The following TECTA variants were observed in gnomAD, a reference collection of about 807,000 sequenced individuals.
The protein encoded by TECTA is tectorin alpha.
TECTA carries 128 observed loss-of-function variants against 216.8 expected under a neutral mutation model. The ratio of observed to expected loss-of-function variants is 0.59; its 90% confidence interval spans 0.51 to 0.68. The LOEUF (loss-of-function observed/expected upper bound fraction) is 0.68, where lower values mean the gene tolerates loss of function less well. Among genes scored for constraint, TECTA ranks in the 30% least tolerant of loss-of-function variants. The pLI is 0.00. For synonymous variants in TECTA, 1,089 were observed against 1,117.1 expected, an observed-to-expected ratio of 0.97 and a Z score of 0.50; for missense variants, 2,551 against 2,786.2, an observed-to-expected ratio of 0.92 and a Z score of 1.90.
rs753188562 is a variant in TECTA at position 121,129,981 on chromosome 11, A to G, written c.2711A>G (p.Lys904Arg). 1.2e-6 allele frequency: 2 copies of G among 1,605,378 alleles called. No individual in the cohort carries two copies. Among genetic ancestry groups the G allele is most frequent in the African/African-American group, 2.7e-5 (2 of 74,650 alleles). Residue 904 changes from lysine (K) to arginine (R), a missense_variant, in exon 10 of 24, where the codon AAG becomes AGG. By Grantham distance (26) the Lys-to-Arg change is conservative. Around this residue, in one of 3 missense-constraint regions of TECTA, gnomAD observed 2,375 missense variants for 2,563.9 expected, o/e 0.93. Transcript: ENST00000392793. ...KACNNDSELL[K>R]FYRSRSRCGI... ...TGCAACAATGACTCGGAGCTGCTCA[A>G]GTTTTATCGAAGCCGCTCCAGGTGC... is the stretch of plus-strand genomic sequence containing the variant.
chr11:121,116,272 A>G (rs1946500755), intron 6 of TECTA, among the ~76,000 whole-genome samples: 1 of 152,198 alleles, frequency 6.6e-6, no homozygotes, highest in African/African-American at 2.4e-5. Context: ...GAGAGATACC[A>G]ACTCAATACT....
At chr11:121,154,673 G>C (rs1946924381) in intron 13 of TECTA, among the ~76,000 whole-genome samples, 1 of 152,162 alleles carries the variant, frequency 6.6e-6, no homozygotes, top group Non-Finnish European at 1.5e-5. Flanking sequence ...ACTGCTGGAG[G>C]TGTGACACTG....
At chr11:121,172,630 A>T (rs1947123491) in intron 20 of TECTA, among the ~76,000 whole-genome samples, 1 of 151,476 alleles carries the variant, frequency 6.6e-6, no homozygotes, top group Non-Finnish European at 1.5e-5. Context: ...GCTATTGTGA[A>T]TAGTGCCGCA....
rs1289128600 is a variant in TECTA at position 121,113,302 on chromosome 11, C to CT, written c.624+97dup. The CT allele has an allele frequency of 1.0e-5, 16 of 1,600,188 alleles. No homozygotes were observed. Among genetic ancestry groups the CT allele is most frequent in the South Asian group, 5.5e-5 (5 of 90,246 alleles). On this transcript the variant is annotated intron_variant, in intron 5 of 23. Transcript: ENST00000392793. The surrounding 1 kb of genome is among the most constrained non-coding windows in gnomAD (Gnocchi z 4.2). Reference sequence around the variant, plus strand: ...ATCCTGGAGGGAATCCTGCCACCAGCTTTTAACTAGAGACGCAGGTCTGAT... The same window carrying CT: ...ATCCTGGAGGGAATCCTGCCACCAGCTTTTTAACTAGAGACGCAGGTCTGAT...
At chr11:121,125,150 T>A in intron 7 of TECTA, 152 bp from the exon 8 acceptor site, 1 of 801,616 alleles carries the variant, frequency 1.2e-6, no homozygotes. Flanking sequence ...GGCCTTTGCC[T>A]TAATCAGAGG....
At position 121,189,861 on chromosome 11, in the gene TECTA, G is replaced by C. The variant is rs773526497; in HGVS notation, c.6348G>C (p.Glu2116Asp). The change falls in exon 23 of 24, where the codon GAG (glutamate) becomes GAC (aspartate). Residue 2116 changes from glutamate to aspartate, a missense_variant. Coordinates refer to ENST00000392793, the MANE Select transcript of TECTA (RefSeq NM_005422.4). ...GCTGTGTAACAGGAACCCTGCAGGA[G>C]GACGGCAAGAGCTGCAGAGGTAGAC... ...LCSCVTGTLQEDGKSCRASNS... is the reference protein window; with the variant it reads ...LCSCVTGTLQDDGKSCRASNS... 24 of 1,613,144 alleles carry C rather than the reference G, an allele frequency of 1.5e-5. No homozygotes were observed. The African/African-American group carries it at 1.9e-4, about 13-fold the overall frequency.
chr11:121,146,273 A>T (rs1037684727), intron 12 of TECTA, 157 bp downstream of exon 12: 1 of 862,952 alleles, frequency 1.2e-6, no homozygotes, highest in Non-Finnish European at 1.8e-6. Context: ...GAAGCATGAC[A>T]TGTAACCTCT....
intron 7 of TECTA, 37 bp from the exon 8 acceptor site, chr11:121,125,265 C>CT: frequency 6.2e-7 from 1 of 1,600,212 alleles, no homozygotes; most frequent in Non-Finnish European, 8.5e-7. Context: ...GCCTGGGCAC[C>CT]TGCTCACCTG....
At chr11:121,177,959 T>C (rs513361) in intron 20 of TECTA, among the ~76,000 whole-genome samples, 104,477 of 152,184 alleles carry the variant, frequency 0.69, 37,413 homozygotes, top group African/African-American at 0.91. Context: ...AGCGAGACTC[T>C]GTGGGCATAG....
intron 3 of TECTA, among the ~76,000 whole-genome samples, chr11:121,107,025 G>C (rs1190174639): frequency 6.6e-6 from 1 of 152,172 alleles, no homozygotes; most frequent in African/African-American, 2.4e-5. Context: ...CAAGACACAC[G>C]TGAGTCATCA....
chr11:121,158,146 C>T lies in TECTA; in HGVS notation c.4611C>T (p.Pro1537=), dbSNP rs138477419. Residue 1537 remains proline (P), a synonymous_variant, in exon 14 of 24, where the codon CCC becomes CCT. Transcript: ENST00000392793. ...TCAACTTCGACAAGTGGTCGGCCCCCAACCTCACCATCATTTCGCCCGTCT... is the reference window on the plus strand; with the variant it reads ...TCAACTTCGACAAGTGGTCGGCCCCTAACCTCACCATCATTTCGCCCGTCT... ...LIINFDKWSA[P]NLTIISPVYF... 166 of 1,614,158 alleles carry T rather than the reference C, an allele frequency of 1.0e-4. 2 individuals carry two copies. In the African/African-American group the frequency reaches 2.0e-3, roughly 20 times the overall value.
At position 121,157,938 on chromosome 11, in the gene TECTA, A is replaced by G; in HGVS notation, c.4403A>G (p.Glu1468Gly). The change falls in exon 14 of 24, where the codon GAG becomes GGG. Residue 1468 changes from glutamate to glycine, a missense_variant. This residue lies in a region of TECTA where 2,375 missense variants were observed against 2,563.9 expected (regional missense o/e 0.93). Coordinates refer to ENST00000392793, the MANE Select transcript of TECTA (RefSeq NM_005422.4). The stretch of plus-strand genomic sequence containing the variant: ...GACCCGCGCCAATGCAAGTCAGACG[A>G]GGAGTGTGCGCTGCGCAACGGGGTG... ...QCDPRQCKSD[E>G]ECALRNGVRG... 1 of 1,614,090 alleles carries G rather than the reference A, an allele frequency of 6.2e-7. No homozygotes were observed.
In TECTA at chr11:121,160,216, G is replaced by C. The variant is rs763438963; in HGVS notation, c.4771G>C (p.Asp1591His). 1 of 1,614,202 alleles carries C rather than the reference G, an allele frequency of 6.2e-7. No homozygotes were observed. The highest frequency in any genetic ancestry group is 2.2e-5 in the East Asian group (1 of 44,888). ...CAGCAGTGAGGGGTTTCTGGTGATT[G>C]ACACCAGCCCAGACATCCAGATATA... ...IYSSEGFLVI[D>H]TSPDIQIYYN... The change falls in exon 15 of 24, where the codon GAC (aspartate) becomes CAC (histidine). Residue 1591 changes from aspartate to histidine, a missense_variant. Coordinates refer to ENST00000392793, the MANE Select transcript of TECTA (RefSeq NM_005422.4).
At chr11:121,164,077 C>T (rs1474696525) in intron 16 of TECTA, among the ~76,000 whole-genome samples, 5 of 152,160 alleles carry the variant, frequency 3.3e-5, no homozygotes, top group East Asian at 1.9e-4. Flanking sequence ...ACCAGAGGGG[C>T]GTGGCAGCTG....
rs761150308 is a variant in TECTA, at chr11:121,113,692, A to G, written c.764A>G (p.Asp255Gly). 1 of 1,613,122 alleles carries G rather than the reference A, an allele frequency of 6.2e-7. No homozygotes were observed. Among genetic ancestry groups the G allele is most frequent in the African/African-American group, 1.3e-5 (1 of 75,010 alleles). Residue 255 changes from aspartate to glycine, a missense_variant, in exon 6 of 24, where the codon GAC (aspartate) becomes GGC (glycine). Physicochemically the swap from Asp to Gly is moderately conservative, Grantham distance 94 (BLOSUM62 -1). Coordinates refer to ENST00000392793, the MANE Select transcript of TECTA (RefSeq NM_005422.4). This position sits in a 1 kb window ranked among gnomAD's most constrained non-coding sequence, Gnocchi z 4.2. ...WAFKVDGKEI[D>G]PANGCTSRGQ... Reference sequence around the variant, plus strand: ...TTTAAAGTTGATGGAAAGGAAATTGACCCAGCCAATGGCTGCACCTCAAGG... The same window carrying G: ...TTTAAAGTTGATGGAAAGGAAATTGGCCCAGCCAATGGCTGCACCTCAAGG...
intron 21 of TECTA, among the ~76,000 whole-genome samples, chr11:121,188,227 A>G (rs987709375): frequency 1.3e-4 from 20 of 152,198 alleles, no homozygotes; most frequent in Non-Finnish European, 2.4e-4. Flanking sequence ...GGGTTTCTCA[A>G]AGCTCGGCAC....
chr11:121,185,310 G>A (rs1486405636), intron 20 of TECTA, among the ~76,000 whole-genome samples: 1 of 151,216 alleles, frequency 6.6e-6, no homozygotes, highest in Non-Finnish European at 1.5e-5. Context: ...GAAAGTAGAT[G>A]TTCAATGCTT....
intron 20 of TECTA, among the ~76,000 whole-genome samples, chr11:121,171,884 A>G (rs1377938001): frequency 6.6e-6 from 1 of 152,134 alleles, no homozygotes; most frequent in Non-Finnish European, 1.5e-5. Flanking sequence ...TCTGTTTCCC[A>G]GTTTGGATGT....
intron 12 of TECTA, among the ~76,000 whole-genome samples, chr11:121,147,380 C>A (rs916170553): frequency 4.0e-4 from 61 of 152,106 alleles, no homozygotes; most frequent in African/African-American, 1.4e-3. Flanking sequence ...ACTGGATTCA[C>A]GTAGATTGTA....
Sources: allele counts gnomAD v4.1 joint callset (sites outside exome capture counted in the v4.1 genomes callset), GRCh38; gene constraint gnomAD v4.1.1; regional missense constraint gnomAD v4.1.1; non-coding constraint Gnocchi (gnomAD v3.1); transcripts MANE v1.5; gene names NCBI Gene and HGNC (gene_info 2026-07-23, HGNC 2026-07-21).